The following FKTN variants were observed in gnomAD, a reference collection of about 807,000 sequenced individuals.
The protein encoded by FKTN is ribitol-5-phosphate transferase FKTN.
A neutral mutation model predicts 58.6 loss-of-function variants in FKTN; 47 were observed. The observed-to-expected ratio is 0.80, with a 90% CI of 0.63 to 1.02. The LOEUF is 1.02. FKTN is among the 50% of genes least tolerant of loss of function. FKTN has a pLI of 0.00. For synonymous variants in FKTN, 178 were observed against 191.9 expected (o/e 0.93, Z 0.60); for missense variants, 516 against 537.3 (o/e 0.96, Z 0.39).
chr9:105,635,751 G>C lies in FKTN; in HGVS notation c.*487G>C. The C allele has an allele frequency of 4.9e-6, 5 of 1,011,788 alleles. No individual in the cohort carries two copies. The South Asian group carries it at 1.6e-4, about 33-fold the overall frequency. The allele number at this position is 1,011,788 out of a possible 1,614,324, so 62.7% of individuals were successfully genotyped here. A position where few individuals can be genotyped will look rare whatever the true frequency, so the allele number is the denominator to read the frequency against. On this transcript the variant is annotated 3_prime_UTR_variant, in exon 11 of 11. Coordinates refer to ENST00000357998, the MANE Select transcript of FKTN (RefSeq NM_001079802.2). Reference sequence around the variant, plus strand: ...TTGTGGAGTCTGAGTTAATATTCAAGTGATCAGACTTTGAGTGACATCAAG... The same window carrying C: ...TTGTGGAGTCTGAGTTAATATTCAACTGATCAGACTTTGAGTGACATCAAG...
chr9:105,625,599 A>G (rs1832647627), intron 10 of FKTN, among the ~76,000 whole-genome samples: 1 of 152,210 alleles, frequency 6.6e-6, no homozygotes, highest in Non-Finnish European at 1.5e-5. Context: ...ACAGGAGGTG[A>G]CCGGAAGAAA....
intron 3 of FKTN, among the ~76,000 whole-genome samples, chr9:105,581,331 A>T (rs12507825): frequency 0.28 from 41,175 of 146,096 alleles, 6,165 homozygotes; most frequent in Non-Finnish European, 0.32. Context: ...ATGGTGATGT[A>T]CAGATGGGTT....
chr9:105,635,710 A>C lies in FKTN; in HGVS notation c.*446A>C. ...TTCTGGGCATTTAAGCTGGTATGTT[A>C]GTGCTACTTTTAAGATTGTGGAGTC... On this transcript the variant is annotated 3_prime_UTR_variant, in exon 11 of 11. Coordinates refer to ENST00000357998, the MANE Select transcript of FKTN (RefSeq NM_001079802.2). 4.8e-6 allele frequency: 5 copies of C among 1,038,140 alleles called. No individual in the cohort carries two copies. Among genetic ancestry groups the C allele is most frequent in the Non-Finnish European group, 5.8e-6 (5 of 861,878 alleles). The allele number at this position is 1,038,140 out of a possible 1,614,324, so 64.3% of individuals were successfully genotyped here.
chr9:105,594,259 G>A (rs748527993), intron 3 of FKTN, among the ~76,000 whole-genome samples: 22 of 152,166 alleles, frequency 1.4e-4, no homozygotes, highest in Non-Finnish European at 2.8e-4. Flanking sequence ...GGAAGATGTG[G>A]TGGGGGTTTT....
chr9:105,583,052 A>G (rs1235642642), intron 3 of FKTN, among the ~76,000 whole-genome samples: 3 of 152,228 alleles, frequency 2.0e-5, no homozygotes, highest in African/African-American at 4.8e-5. Context: ...ATTCCCAAAT[A>G]TAAGAGAATC....
chr9:105,636,259 C>T lies in FKTN; in HGVS notation c.*995C>T, dbSNP rs1328504030. 4 of 924,474 alleles carry T rather than the reference C, an allele frequency of 4.3e-6. No individual in the cohort carries two copies. In the Admixed American group the frequency reaches 1.9e-4, roughly 43 times the overall value. The allele number at this position is 924,474 out of a possible 1,614,324, so 57.3% of individuals were successfully genotyped here. On this transcript the variant is annotated 3_prime_UTR_variant, in exon 11 of 11. Transcript: ENST00000357998. ...TTTAAAACATACTCTTTATTATCTT[C>T]ATTTATCAATTACAGCTTCGTATCT...
chr9:105,570,323 T>C (rs990906742), intron 1 of FKTN, among the ~76,000 whole-genome samples: 1 of 152,312 alleles, frequency 6.6e-6, no homozygotes, highest in Admixed American at 6.5e-5. Context: ...AGATGATTCA[T>C]GTACACTAAC....
At chr9:105,569,330 C>G (rs1840313827) in intron 1 of FKTN, among the ~76,000 whole-genome samples, 1 of 151,988 alleles carries the variant, frequency 6.6e-6, no homozygotes, top group Admixed American at 6.6e-5. Context: ...TGCAGTGCTG[C>G]TCTTCACTGT....
At chr9:105,572,933 C>A (rs1018847) in intron 1 of FKTN, among the ~76,000 whole-genome samples, 3 of 152,012 alleles carry the variant, frequency 2.0e-5, no homozygotes, top group African/African-American at 7.2e-5. Context: ...ATTATATTCC[C>A]GTTTAGAAAA....
chr9:105,613,317 G>A (rs1830259843), intron 7 of FKTN, among the ~76,000 whole-genome samples: 1 of 152,178 alleles, frequency 6.6e-6, no homozygotes, highest in African/African-American at 2.4e-5. Context: ...TATTGTAAGA[G>A]CACTTATGGC....
At chr9:105,604,063 C>G in intron 5 of FKTN, 152 bp from the exon 6 acceptor site, 1 of 745,868 alleles carries the variant, frequency 1.3e-6, no homozygotes, top group Non-Finnish European at 2.3e-6. Context: ...GCCCATCACC[C>G]TCATTAAAAA....
rs978836147 is a variant in FKTN, at chr9:105,635,791, G to C, written c.*527G>C. On this transcript the variant is annotated 3_prime_UTR_variant, in exon 11 of 11. Coordinates refer to ENST00000357998, the MANE Select transcript of FKTN (RefSeq NM_001079802.2). ...GTGACATCAAGAAAAGATGATATCA[G>C]GTTCATTTTTCAACTAATCTTATGT... 5.8e-5 allele frequency: 58 copies of C among 1,000,476 alleles called. No individual in the cohort carries two copies. The African/African-American group carries it at 9.9e-4, about 17-fold the overall frequency. 62.0% of individuals were successfully genotyped at this position (1,000,476 alleles called of 1,614,324 possible).
At position 105,637,547 on chromosome 9, in the gene FKTN, G is replaced by T. The variant is rs529640021; in HGVS notation, c.*2283G>T. ...TTCATCTTATGTATTTTAACAGTTG[G>T]GTTCTGTGGAGTGTCCAGAGACCTT... On this transcript the variant is annotated 3_prime_UTR_variant, in exon 11 of 11. Coordinates refer to ENST00000357998, the MANE Select transcript of FKTN (RefSeq NM_001079802.2). The T allele has an allele frequency of 7.7e-5, 76 of 985,268 alleles. No homozygotes were observed. The South Asian group carries it at 3.2e-3, about 42-fold the overall frequency. The allele number at this position is 985,268 out of a possible 1,614,324, so 61.0% of individuals were successfully genotyped here. A position where few individuals can be genotyped will look rare whatever the true frequency, so the allele number is the denominator to read the frequency against.
Position 105,575,107 on chromosome 9 carries a change from GTAC to G in FKTN, c.82_84del (p.Tyr28del), listed in dbSNP as rs1554731028. The G allele has an allele frequency of 6.2e-7, 1 of 1,606,228 alleles. No individual in the cohort carries two copies. Among genetic ancestry groups the G allele is most frequent in the Non-Finnish European group, 8.5e-7 (1 of 1,172,996 alleles). Reference sequence around the variant, plus strand: ...GTTCTGCATTTCTGCTGTTTCAGTTGTACTACTACAAGCACTATTTATCAACAA... The same window carrying G: ...GTTCTGCATTTCTGCTGTTTCAGTTGTACTACAAGCACTATTTATCAACAA... On this transcript the variant is annotated inframe_deletion, in exon 3 of 11. Coordinates refer to ENST00000357998, the MANE Select transcript of FKTN (RefSeq NM_001079802.2).
chr9:105,635,247 G>A lies in FKTN; in HGVS notation c.1369G>A (p.Val457Ile), dbSNP rs775183646. The A allele has an allele frequency of 6.2e-7, 1 of 1,614,048 alleles. No individual in the cohort carries two copies. Among genetic ancestry groups the A allele is most frequent in the East Asian group, 2.2e-5 (1 of 44,882 alleles). ...GIWPISEWDE[V>I]IQLY ...CTGGCCTATTTCTGAGTGGGATGAG[G>A]TTATCCAGTTATATTGAGATAGTAG... is the stretch of plus-strand genomic sequence containing the variant. The change falls in exon 11 of 11, where the codon GTT (valine) becomes ATT (isoleucine). Residue 457 changes from valine (V) to isoleucine (I), a missense_variant. Coordinates refer to ENST00000357998, the MANE Select transcript of FKTN (RefSeq NM_001079802.2).
intron 1 of FKTN, among the ~76,000 whole-genome samples, chr9:105,566,122 C>A (rs1025518951): frequency 6.6e-6 from 1 of 152,118 alleles, no homozygotes; most frequent in African/African-American, 2.4e-5. Context: ...ACACAACATA[C>A]CAGAATCTCT....
chr9:105,587,692 T>G (rs139770788), intron 3 of FKTN, among the ~76,000 whole-genome samples: 5 of 152,306 alleles, frequency 3.3e-5, no homozygotes, highest in African/African-American at 1.2e-4. Flanking sequence ...ATTTCTTTCA[T>G]TAGAATTGAA....
rs561795635 is a variant in FKTN, at chr9:105,589,067, G to A, written c.106-7531G>A. On this transcript the variant is annotated intron_variant, in intron 3 of 10. Coordinates refer to ENST00000357998, the MANE Select transcript of FKTN (RefSeq NM_001079802.2). ...CCAATAACTCTTGCTCTCCAGAGAC[G>A]GATTAAACGTTAAGATAATGAAATT... Among the ~76,000 whole-genome samples, 16 of 152,262 alleles carry A rather than the reference G, an allele frequency of 1.1e-4. 1 individual carries two copies. Among genetic ancestry groups the A allele is most frequent in the African/African-American group, 2.6e-4 (11 of 41,538 alleles).
chr9:105,591,374 G>A (rs894618297), intron 3 of FKTN, among the ~76,000 whole-genome samples: 9 of 152,154 alleles, frequency 5.9e-5, no homozygotes, highest in Admixed American at 3.9e-4. Flanking sequence ...TTCGATGGGG[G>A]TATAGTCATT....
Sources: allele counts gnomAD v4.1 joint callset (sites outside exome capture counted in the v4.1 genomes callset), GRCh38; gene constraint gnomAD v4.1.1; transcripts MANE v1.5; gene names NCBI Gene and HGNC (gene_info 2026-07-23, HGNC 2026-07-21).